Variants in GCC2 observed in about 807,000 individuals in gnomAD.
GCC2 encodes the protein GRIP and coiled-coil domain-containing protein 2.
GCC2 carries 120 observed loss-of-function variants against 210.6 expected under a neutral mutation model. The ratio of observed to expected loss-of-function variants is 0.57; its 90% CI spans 0.49 to 0.66. GCC2 has a LOEUF of 0.66. GCC2 is among the 30% of genes least tolerant of loss of function. The pLI is 0.00. For missense variants in GCC2, 1,868 were observed against 1,871.9 expected (o/e 1.00, Z 0.04); for synonymous variants, 703 against 652.7 (o/e 1.08, Z -1.17).
At chr2:108,481,597 A>G (rs1407711550) in intron 9 of GCC2, 100 bp from the exon 10 acceptor site, 11 of 791,774 alleles carry the variant, frequency 1.4e-5, no homozygotes. Flanking sequence ...TATTTTAAGC[A>G]TCCAGAATGG....
At position 108,509,234 on chromosome 2, in the gene GCC2, A is replaced by C. The variant is rs1239675850; in HGVS notation, c.*1604A>C. On this transcript the variant is annotated 3_prime_UTR_variant, in exon 23 of 23. Coordinates refer to ENST00000309863, the MANE Select transcript of GCC2 (RefSeq NM_181453.4). ...CTTTAGACCTTTTGAAGTCTGTATA[A>C]ACTTGTTTTGAAATATAGTCTCTGC... 6.6e-6 allele frequency: 1 copy of C among 152,606 alleles called. No homozygotes were observed. Among genetic ancestry groups the C allele is most frequent in the Non-Finnish European group, 1.5e-5 (1 of 68,032 alleles). 9.5% of individuals were successfully genotyped at this position (152,606 alleles called of 1,614,324 possible).
At chr2:108,454,544 T>C (rs1680144475) in intron 4 of GCC2, among the ~76,000 whole-genome samples, 1 of 152,260 alleles carries the variant, frequency 6.6e-6, no homozygotes, top group Non-Finnish European at 1.5e-5. Flanking sequence ...TTAGTCATTA[T>C]ATGTTTTCTT....
At chr2:108,504,190 C>A (rs1331613134) in intron 22 of GCC2, among the ~76,000 whole-genome samples, 1 of 151,874 alleles carries the variant, frequency 6.6e-6, no homozygotes, top group African/African-American at 2.4e-5. Flanking sequence ...TAAGGGTAAG[C>A]AATTATTTCT....
Position 108,475,786 on chromosome 2 carries a change from G to A in GCC2, c.2996G>A (p.Arg999Gln), listed in dbSNP as rs776363038. Residue 999 changes from arginine to glutamine, a missense_variant, in exon 9 of 23, where the codon CGA (arginine) becomes CAA (glutamine). Coordinates refer to ENST00000309863, the MANE Select transcript of GCC2 (RefSeq NM_181453.4). ...QTVKEELESL[R>Q]SEKDQLSASM... ...GTGAAGGAAGAACTTGAATCTCTTC[G>A]ATCAGAAAAGGACCAGTTATCTGCT... 13 of 1,606,308 alleles carry A rather than the reference G, an allele frequency of 8.1e-6. No individual in the cohort carries two copies. Among genetic ancestry groups the A allele is most frequent in the East Asian group, 2.2e-5 (1 of 44,602 alleles).
rs1347643379 is a variant in GCC2, at chr2:108,469,076, G to A, written c.313G>A (p.Glu105Lys). The A allele has an allele frequency of 1.3e-6, 2 of 1,586,010 alleles. No homozygotes were observed. Among genetic ancestry groups the A allele is most frequent in the East Asian group, 2.2e-5 (1 of 44,648 alleles). ...AAAGGAAAATATAAAAATGAAGCAA[G>A]AGGTTGAGGTAAGTCAATATTTTAG... is the stretch of plus-strand genomic sequence containing the variant. ...LKKENIKMKQEVEDSVTKMGD... is the reference protein window; with the variant it reads ...LKKENIKMKQKVEDSVTKMGD... The change falls in exon 5 of 23, where the codon GAG becomes AAG. Residue 105 changes from glutamate to lysine, a missense_variant. By Grantham distance (56) the Glu-to-Lys change is moderately conservative. Around this residue, in one of 3 missense-constraint regions of GCC2, gnomAD observed 1,847 missense variants for 1,765.2 expected, o/e 1.05. Coordinates refer to ENST00000309863, the MANE Select transcript of GCC2 (RefSeq NM_181453.4).
intron 21 of GCC2, among the ~76,000 whole-genome samples, chr2:108,497,959 C>A (rs1279742954): frequency 6.6e-6 from 1 of 152,128 alleles, no homozygotes; most frequent in Admixed American, 6.6e-5. Context: ...CCTAATAGAT[C>A]TGTCCTGCCA....
intron 19 of GCC2, 100 bp downstream of exon 19, chr2:108,492,890 T>C: frequency 3.7e-6 from 3 of 820,484 alleles, no homozygotes; most frequent in Admixed American, 2.2e-5. Context: ...ATTTACTAGG[T>C]GTCACCAGTG....
intron 9 of GCC2, among the ~76,000 whole-genome samples, chr2:108,479,194 T>G (rs1681707846): frequency 6.6e-6 from 1 of 151,934 alleles, no homozygotes; most frequent in South Asian, 2.1e-4. Flanking sequence ...AGATTCTAGA[T>G]TCCCAAGTCT....
At position 108,472,870 on chromosome 2, in the gene GCC2, C is replaced by A; in HGVS notation, c.2831C>A (p.Ser944Tyr). The A allele has an allele frequency of 6.3e-7, 1 of 1,592,828 alleles. No homozygotes were observed. The highest frequency in any genetic ancestry group is 8.6e-7 in the Non-Finnish European group (1 of 1,166,068). Residue 944 changes from serine (S) to tyrosine (Y), a missense_variant, in exon 7 of 23, where the codon TCT becomes TAT. This residue lies in a region of GCC2 where 1,847 missense variants were observed against 1,765.2 expected (regional missense o/e 1.05). Transcript: ENST00000309863. The stretch of plus-strand genomic sequence containing the variant: ...CCTTCTGTAAAAAATGATCCTCTGT[C>A]TTCAGTAAAAGAGTTGGAAGAAAAA... ...KSPSVKNDPL[S>Y]SVKELEEKIE...
At chr2:108,463,165 G>A (rs938179399) in intron 4 of GCC2, among the ~76,000 whole-genome samples, 2 of 151,782 alleles carry the variant, frequency 1.3e-5, no homozygotes, top group Admixed American at 6.6e-5. Context: ...CTTTAGTATC[G>A]AAATTTTGAA....
chr2:108,502,936 AAAAG>A (rs1231592224), intron 22 of GCC2, among the ~76,000 whole-genome samples: 1 of 151,794 alleles, frequency 6.6e-6, no homozygotes, highest in African/African-American at 2.4e-5. Flanking sequence ...AAAAAAAAAA[AAAAG>A]AATGTAAACT....
intron 17 of GCC2, among the ~76,000 whole-genome samples, chr2:108,488,738 A>G (rs2577594): frequency 0.78 from 118,675 of 152,116 alleles, 47,336 homozygotes; most frequent in East Asian, 1. Flanking sequence ...TGTGTTGAGC[A>G]GTTCAGTATT....
At chr2:108,469,608 T>G in intron 5 of GCC2, 43 bp from the exon 6 acceptor site, 1 of 1,415,352 alleles carries the variant, frequency 7.1e-7, no homozygotes, top group Non-Finnish European at 9.6e-7. Flanking sequence ...AGGCTCCTTT[T>G]GTCTTACTTA....
intron 22 of GCC2, among the ~76,000 whole-genome samples, chr2:108,502,235 A>G (rs1413704167): frequency 1.3e-5 from 2 of 152,350 alleles, no homozygotes; most frequent in South Asian, 2.1e-4. Flanking sequence ...ATAGCTTTCA[A>G]TACAACAATG....
At chr2:108,489,290 C>T (rs1253610094) in intron 17 of GCC2, among the ~76,000 whole-genome samples, 4 of 152,174 alleles carry the variant, frequency 2.6e-5, no homozygotes, top group African/African-American at 9.7e-5. Context: ...CCAAGGCTGG[C>T]GGATCACCTG....
chr2:108,470,015 A>C lies in GCC2; in HGVS notation c.686A>C (p.His229Pro). The change falls in exon 6 of 23, where the codon CAT becomes CCT. Residue 229 changes from histidine to proline, a missense_variant. Physicochemically the swap from His to Pro is moderately conservative, Grantham distance 77. This residue lies in a region of GCC2 where 1,847 missense variants were observed against 1,765.2 expected (regional missense o/e 1.05). Coordinates refer to ENST00000309863, the MANE Select transcript of GCC2 (RefSeq NM_181453.4). ...LQNIIEANSQ[H>P]YQKNINSLQE... ...AATATCATTGAGGCTAATTCTCAGC[A>C]TTACCAAAAAAATATTAATAGTTTG... 1 of 1,612,902 alleles carries C rather than the reference A, an allele frequency of 6.2e-7. No individual in the cohort carries two copies. Among genetic ancestry groups the C allele is most frequent in the Non-Finnish European group, 8.5e-7 (1 of 1,179,484 alleles).
intron 18 of GCC2, among the ~76,000 whole-genome samples, chr2:108,491,330 C>T (rs1426867588): frequency 6.6e-6 from 1 of 152,144 alleles, no homozygotes; most frequent in Non-Finnish European, 1.5e-5. Flanking sequence ...ACTTTACCCA[C>T]CTCTAATTTT....
intron 9 of GCC2, among the ~76,000 whole-genome samples, chr2:108,478,243 A>T (rs1336029722): frequency 6.6e-6 from 1 of 152,192 alleles, no homozygotes; most frequent in African/African-American, 2.4e-5. Flanking sequence ...ATTCTTTGTC[A>T]TGTATAAATT....
rs757141762 is a variant in GCC2 at position 108,469,672 on chromosome 2, G to C, written c.343G>C (p.Asp115His). The stretch of plus-strand genomic sequence containing the variant: ...ATAGGATTCTGTAACAAAGATGGGA[G>C]ATGCACATAAGGAGTTGGAACAATC... The part of the protein sequence containing the change: ...EVEDSVTKMG[D>H]AHKELEQSHI... The change falls in exon 6 of 23, where the codon GAT (aspartate) becomes CAT (histidine). Residue 115 changes from aspartate to histidine, a missense_variant. Physicochemically the swap from Asp to His is moderately conservative, Grantham distance 81 (BLOSUM62 -1). Around this residue, in one of 3 missense-constraint regions of GCC2, gnomAD observed 1,847 missense variants for 1,765.2 expected, o/e 1.05. Coordinates refer to ENST00000309863, the MANE Select transcript of GCC2 (RefSeq NM_181453.4). 1.1e-5 allele frequency: 17 copies of C among 1,591,520 alleles called. No homozygotes were observed. The highest frequency in any genetic ancestry group is 1.7e-4 in the Middle Eastern group (1 of 5,958).
Sources: gnomAD v4.1 joint callset for allele counts (sites outside exome capture counted in the v4.1 genomes callset) on GRCh38, gnomAD v4.1.1 for gene constraint, gnomAD v4.1.1 regional missense constraint, MANE v1.5 for transcripts, NCBI Gene and HGNC (gene_info 2026-07-23, HGNC 2026-07-21) for gene names.